SETBP1: variants seen among roughly 807,000 people sequenced by gnomAD.
SETBP1 encodes SET binding protein 1, also known as SET-binding protein.
Under a neutral mutation model 101.0 loss-of-function variants are expected in SETBP1, and 9 were observed. The observed-to-expected ratio is 0.09, with a 90% confidence interval of 0.05 to 0.16. SETBP1 has a LOEUF of 0.16. Ranked by LOEUF, SETBP1 falls within the 10% of genes least tolerant of loss-of-function variation. SETBP1 has a pLI of 1.00. For synonymous variants in SETBP1, 818 were observed against 788.5 expected (o/e 1.04, Z -0.63); for missense variants, 1,858 against 2,033.8 (o/e 0.91, Z 1.66).
intron 3 of SETBP1, among the ~76,000 whole-genome samples, chr18:44,947,661 C>T (rs1017831625): frequency 1.3e-5 from 2 of 152,110 alleles, no homozygotes; most frequent in Non-Finnish European, 1.5e-5. Flanking sequence ...CATGCACCAC[C>T]AAGCCTGGCT....
chr18:44,891,023 T>C (rs2069756783), intron 3 of SETBP1, among the ~76,000 whole-genome samples: 1 of 152,144 alleles, frequency 6.6e-6, no homozygotes, highest in Non-Finnish European at 1.5e-5. Context: ...GAAAGAAAGT[T>C]TTAATGGATT....
intron 2 of SETBP1, among the ~76,000 whole-genome samples, chr18:44,819,653 A>G (rs1343079721): frequency 6.6e-6 from 1 of 152,058 alleles, no homozygotes; most frequent in African/African-American, 2.4e-5. Context: ...GTGACTGCAT[A>G]TTTAGCATCT....
chr18:44,816,047 C>G (rs2071967909), intron 2 of SETBP1, among the ~76,000 whole-genome samples: 1 of 152,102 alleles, frequency 6.6e-6, no homozygotes, highest in Admixed American at 6.5e-5. Flanking sequence ...ATTAGAGAAA[C>G]AGTCGAGAGA....
At chr18:44,787,727 G>T (rs368032645) in intron 2 of SETBP1, among the ~76,000 whole-genome samples, 3 of 146,280 alleles carry the variant, frequency 2.1e-5, no homozygotes, top group East Asian at 3.9e-4. Flanking sequence ...GGTGGCGGGC[G>T]CCTGTAGTCC....
intron 2 of SETBP1, among the ~76,000 whole-genome samples, chr18:44,741,449 G>T (rs890371841): frequency 6.6e-6 from 1 of 152,142 alleles, no homozygotes; most frequent in Non-Finnish European, 1.5e-5. Flanking sequence ...TTCATTGCCT[G>T]TGCCATCGGG....
chr18:44,870,578 C>A (rs2144687353), intron 3 of SETBP1: 1 of 152,258 alleles, frequency 6.6e-6, no homozygotes, highest in East Asian at 1.9e-4. Flanking sequence ...ATTACTTTTT[C>A]ACATATTTAC....
chr18:45,030,371 A>G lies in SETBP1; in HGVS notation c.4001-8114A>G, dbSNP rs1378802992. On this transcript the variant is annotated intron_variant, in intron 4 of 5. Coordinates refer to ENST00000649279, the MANE Select transcript of SETBP1 (RefSeq NM_015559.3). ...TCCCAGGGATGAAGCCCACTTGATC[A>G]TGGTGGATAAGCTTTTTGATGTGCT... 3.1e-5 allele frequency among the ~76,000 whole-genome samples: 4 copies of G among 129,976 alleles called. No homozygotes were observed. The East Asian group carries it at 6.3e-4, about 20-fold the overall frequency. 85.3% of individuals were successfully genotyped at this position (129,976 alleles called of 152,430 possible).
intron 4 of SETBP1, among the ~76,000 whole-genome samples, chr18:45,004,047 G>A (rs1032238450): frequency 2.1e-4 from 32 of 152,192 alleles, no homozygotes; most frequent in African/African-American, 6.0e-4. Context: ...CCTACAAGGC[G>A]TGGAACAGCC....
chr18:44,945,918 T>C (rs577597234), intron 3 of SETBP1, among the ~76,000 whole-genome samples: 2 of 152,346 alleles, frequency 1.3e-5, no homozygotes, highest in East Asian at 3.9e-4. Context: ...GCTTCGCCTG[T>C]CTTGCGGCTT....
chr18:44,840,160 G>A (rs551322176), intron 2 of SETBP1, among the ~76,000 whole-genome samples: 5 of 152,262 alleles, frequency 3.3e-5, no homozygotes, highest in African/African-American at 7.2e-5. Flanking sequence ...GGCTTACAAC[G>A]TTTATTGTCT....
At chr18:45,051,610 T>C (rs1044548409) in intron 5 of SETBP1, among the ~76,000 whole-genome samples, 1 of 152,160 alleles carries the variant, frequency 6.6e-6, no homozygotes, top group Non-Finnish European at 1.5e-5. Context: ...AAAAAGACCA[T>C]TCCTTCCCCC....
chr18:44,746,811 T>G (rs920773448), intron 2 of SETBP1, among the ~76,000 whole-genome samples: 2 of 152,190 alleles, frequency 1.3e-5, no homozygotes, highest in African/African-American at 4.8e-5. Context: ...ATGGAGTCTG[T>G]GGTCTGGTAT....
chr18:45,022,778 C>T (rs912972476), intron 4 of SETBP1, among the ~76,000 whole-genome samples: 5 of 151,744 alleles, frequency 3.3e-5, no homozygotes, highest in Non-Finnish European at 7.4e-5. Flanking sequence ...TGCAGTGAGC[C>T]GAGATCACAC....
intron 2 of SETBP1, among the ~76,000 whole-genome samples, chr18:44,765,650 G>A (rs772877113): frequency 2.6e-5 from 4 of 152,144 alleles, no homozygotes; most frequent in Non-Finnish European, 5.9e-5. Flanking sequence ...CTCATCCCTT[G>A]CAGAAGTGCT....
intron 2 of SETBP1, among the ~76,000 whole-genome samples, chr18:44,739,918 A>C (rs771684138): frequency 8.3e-4 from 126 of 152,336 alleles, no homozygotes; most frequent in Middle Eastern, 3.4e-3. Context: ...GATCAGAAGA[A>C]TAGAAAACCT....
intron 2 of SETBP1, among the ~76,000 whole-genome samples, chr18:44,708,967 G>A (rs1262373797): frequency 6.6e-6 from 1 of 152,166 alleles, no homozygotes; most frequent in Non-Finnish European, 1.5e-5. Flanking sequence ...AGCCCGAAAT[G>A]TCAAAAGATC....
At chr18:44,791,144 A>G (rs1305417838) in intron 2 of SETBP1, among the ~76,000 whole-genome samples, 4 of 152,070 alleles carry the variant, frequency 2.6e-5, no homozygotes, top group Non-Finnish European at 5.9e-5. Flanking sequence ...TCCTGCCCTC[A>G]ATTCCAGGAG....
chr18:44,906,977 T>TC (rs2070190580), intron 3 of SETBP1, among the ~76,000 whole-genome samples: 1 of 152,354 alleles, frequency 6.6e-6, no homozygotes, highest in East Asian at 1.9e-4. Flanking sequence ...CAGATCATTT[T>TC]CATCACCCCA....
intron 4 of SETBP1, among the ~76,000 whole-genome samples, chr18:44,992,593 G>T (rs1466843295): frequency 6.6e-6 from 1 of 151,990 alleles, no homozygotes; most frequent in Admixed American, 6.6e-5. Context: ...CAACATATTT[G>T]AACACTTACA....
Sources: gnomAD v4.1 joint callset for allele counts (sites outside exome capture counted in the v4.1 genomes callset) on GRCh38, gnomAD v4.1.1 for gene constraint, MANE v1.5 for transcripts, NCBI Gene and HGNC (gene_info 2026-07-23, HGNC 2026-07-21) for gene names.